ADPRHL1: variants seen among roughly 807,000 people sequenced by gnomAD.
The protein encoded by ADPRHL1 is ADP-ribosylhydrolase like 1.
ADPRHL1 carries 43 observed loss-of-function variants against 44.1 expected under a neutral mutation model. That is an observed-to-expected ratio of 0.98 (90% CI 0.76 to 1.26). ADPRHL1 has a LOEUF of 1.26. ADPRHL1 is among the 50% of genes most tolerant of loss of function. ADPRHL1 has a pLI of 0.00. For missense variants in ADPRHL1, 2,022 were observed against 2,496.9 expected, an observed-to-expected ratio of 0.81 and a Z score of 4.05; for synonymous variants, 878 against 1,017.4, an observed-to-expected ratio of 0.86 and a Z score of 2.61.
intron 2 of ADPRHL1, among the ~76,000 whole-genome samples, chr13:113,435,030 A>C (rs1433602506): frequency 7.4e-6 from 1 of 134,430 alleles, no homozygotes; most frequent in African/African-American, 2.9e-5. Flanking sequence ...CCAGGTGTAG[A>C]GTGAACATAG....
At chr13:113,417,256 G>A (rs1353453508) in intron 7 of ADPRHL1, among the ~76,000 whole-genome samples, 5 of 152,188 alleles carry the variant, frequency 3.3e-5, no homozygotes, top group African/African-American at 1.2e-4. Context: ...CATGGTCCCC[G>A]CCGGCACCAC....
chr13:113,433,520 G>A lies in ADPRHL1; in HGVS notation c.505+222C>T, dbSNP rs192287126. Among the ~76,000 whole-genome samples, 94 of 152,276 alleles carry A rather than the reference G, an allele frequency of 6.2e-4. 1 individual carries two copies. The highest frequency in any genetic ancestry group is 2.1e-3 in the African/African-American group (87 of 41,554). On this transcript the variant is annotated intron_variant, in intron 3 of 7. Transcript: ENST00000612156. The stretch of plus-strand genomic sequence containing the variant: ...AACTCCCCCAACAAATAAAAAAATC[G>A]ATGTGAACCCACAAGATTTCCAGCC...
intron 7 of ADPRHL1, among the ~76,000 whole-genome samples, chr13:113,408,839 C>CAGGGGAGGAGGGGGCTGCAGAGAGG (rs536372099): frequency 2.3e-4 from 9 of 39,662 alleles, no homozygotes; most frequent in African/African-American, 5.0e-4. Context: ...CCACCAGGAG[C>CAGGGGAGGAGGGGGCTGCAGAGAGG]AGGGGAGGAG....
chr13:113,430,323 C>T (rs2043997799), intron 3 of ADPRHL1, among the ~76,000 whole-genome samples: 1 of 152,212 alleles, frequency 6.6e-6, no homozygotes, highest in Non-Finnish European at 1.5e-5. Context: ...GGAGACAGCC[C>T]TGGAGGGGCT....
Position 113,444,467 on chromosome 13 carries a change from T to C in ADPRHL1, c.337A>G (p.Asn113Asp). ...GTGTGCCAGGCGAGAAGGTAGTTAT[T>C]GGGCTTTAGCTGAGCACAGCCTTCA... ...TIEGCAQLKP[N>D]NYLLAWHTPF... is the part of the protein sequence containing the mutation. The change falls in exon 2 of 8, where the codon AAT becomes GAT. Residue 113 changes from asparagine to aspartate, a missense_variant. Around this residue, in one of 8 missense-constraint regions of ADPRHL1, gnomAD observed 437 missense variants for 430.7 expected, o/e 1.01. Coordinates refer to ENST00000612156, the MANE Select transcript of ADPRHL1 (RefSeq NM_001394807.1). The C allele has an allele frequency of 6.2e-7, 1 of 1,614,202 alleles. No homozygotes were observed. The highest frequency in any genetic ancestry group is 1.1e-5 in the South Asian group (1 of 91,084).
At chr13:113,426,819 G>A (rs2043971936) in intron 4 of ADPRHL1, among the ~76,000 whole-genome samples, 1 of 152,224 alleles carries the variant, frequency 6.6e-6, no homozygotes, top group African/African-American at 2.4e-5. Flanking sequence ...GTCAGCCGGG[G>A]TTGGCCAATT....
Position 113,403,405 on chromosome 13 carries a change from G to GGCCCTGAC in ADPRHL1, c.5869_5876dup (p.Asp1961GlyfsTer28). On this transcript the variant is annotated frameshift_variant, in exon 8 of 8. Transcript: ENST00000612156. LOFTEE classifies it high-confidence loss of function. ...ACTTTGGGAGCTCAGACGTGTCGCTGGCCCTGACGCTCATTGGTCTGAAGG... is the reference window on the plus strand; with the variant it reads ...ACTTTGGGAGCTCAGACGTGTCGCTGGCCCTGACGCCCTGACGCTCATTGGTCTGAAGG... 1 of 1,232,094 alleles carries GGCCCTGAC rather than the reference G, an allele frequency of 8.1e-7. No individual in the cohort carries two copies. The highest frequency in any genetic ancestry group is 1.0e-6 in the Non-Finnish European group (1 of 987,966). The allele number at this position is 1,232,094 out of a possible 1,614,324, so 76.3% of individuals were successfully genotyped here.
At chr13:113,446,124 CCCCCCCT>C (rs780651854) in intron 1 of ADPRHL1, among the ~76,000 whole-genome samples, 3 of 134,806 alleles carry the variant, frequency 2.2e-5, no homozygotes, top group Non-Finnish European at 4.8e-5. Context: ...CAGCTGCAGG[CCCCCCCT>C]CCCCCCTCCC....
chr13:113,422,803 G>GA, intron 7 of ADPRHL1, 23 bp downstream of exon 7: 1 of 1,612,662 alleles, frequency 6.2e-7, no homozygotes, highest in Non-Finnish European at 8.5e-7. Context: ...TCTCTAGGGG[G>GA]AAAGTGGCAG....
Position 113,405,970 on chromosome 13 carries a change from G to A in ADPRHL1, c.3312C>T (p.Pro1104=). The A allele has an allele frequency of 5.7e-6, 7 of 1,232,092 alleles. No homozygotes were observed. Among genetic ancestry groups the A allele is most frequent in the Non-Finnish European group, 7.1e-6 (7 of 988,046 alleles). 76.3% of individuals were successfully genotyped at this position (1,232,092 alleles called of 1,614,324 possible). A position where few individuals can be genotyped will look rare whatever the true frequency, so the allele number is the denominator to read the frequency against. ...ENPLSSLNEP[P]KPGMKACGAM... Reference sequence around the variant, plus strand: ...CCCCACAGGCTTTCATACCTGGTTTGGGTGGTTCATTTAATGAGGACAGTG... The same window carrying A: ...CCCCACAGGCTTTCATACCTGGTTTAGGTGGTTCATTTAATGAGGACAGTG... The change falls in exon 8 of 8, where the codon CCC becomes CCT. Residue 1104 remains proline, a synonymous_variant. Coordinates refer to ENST00000612156, the MANE Select transcript of ADPRHL1 (RefSeq NM_001394807.1).
intron 7 of ADPRHL1, among the ~76,000 whole-genome samples, chr13:113,421,132 C>A (rs1399195615): frequency 7.1e-6 from 1 of 141,486 alleles, no homozygotes; most frequent in Admixed American, 7.0e-5. Context: ...GACAGACCCA[C>A]CCCCGGGACA....
chr13:113,425,128 T>C lies in ADPRHL1; in HGVS notation c.698A>G (p.Glu233Gly), dbSNP rs772135525. ...YFEAKWQFYL[E>G]ERKISKDSEN... ...TGAGTCTTTACTGATTTTCCTCTCC[T>C]CCAAATAAAATTGCCATTTAGCTTC... The change falls in exon 5 of 8, where the codon GAG (glutamate) becomes GGG (glycine). Residue 233 changes from glutamate (E) to glycine (G), a missense_variant. Transcript: ENST00000612156. The C allele has an allele frequency of 6.2e-7, 1 of 1,613,450 alleles. No individual in the cohort carries two copies. The highest frequency in any genetic ancestry group is 8.5e-7 in the Non-Finnish European group (1 of 1,179,914).
chr13:113,419,297 T>TTG (rs57403449), intron 7 of ADPRHL1, among the ~76,000 whole-genome samples: 3 of 142,714 alleles, frequency 2.1e-5, no homozygotes, highest in African/African-American at 5.2e-5. Context: ...TTTTTTTTTT[T>TTG]GTAGAGATGG....
chr13:113,443,448 A>G (rs2044113047), intron 2 of ADPRHL1, among the ~76,000 whole-genome samples: 1 of 122,150 alleles, frequency 8.2e-6, no homozygotes, highest in South Asian at 2.1e-4. Context: ...TCTCTACAGA[A>G]AAAAAAAAAA....
At chr13:113,433,450 T>TG (rs1454523708) in intron 3 of ADPRHL1, among the ~76,000 whole-genome samples, 1 of 152,228 alleles carries the variant, frequency 6.6e-6, no homozygotes, top group Non-Finnish European at 1.5e-5. Context: ...ATCCTGCTTT[T>TG]GGGCTGAAAA....
intron 1 of ADPRHL1, among the ~76,000 whole-genome samples, chr13:113,449,934 G>T (rs956831425): frequency 6.6e-6 from 1 of 152,222 alleles, no homozygotes; most frequent in Non-Finnish European, 1.5e-5. Flanking sequence ...CACTGGGCAA[G>T]CGCCTGAACC....
Position 113,405,234 on chromosome 13 carries a change from G to C in ADPRHL1, c.4048C>G (p.Gln1350Glu), listed in dbSNP as rs1309685049. The C allele has an allele frequency of 6.5e-6, 8 of 1,231,792 alleles. No homozygotes were observed. Among genetic ancestry groups the C allele is most frequent in the South Asian group, 4.1e-5 (1 of 24,332 alleles). 76.3% of individuals were successfully genotyped at this position (1,231,792 alleles called of 1,614,324 possible). ...AHLPPTAGDT[Q>E]AKLRASVPEP... Reference sequence around the variant, plus strand: ...GGGACACTGGCCCGGAGCTTTGCCTGTGTGTCACCAGCAGTAGGGGGCAGG... The same window carrying C: ...GGGACACTGGCCCGGAGCTTTGCCTCTGTGTCACCAGCAGTAGGGGGCAGG... The change falls in exon 8 of 8, where the codon CAG becomes GAG. Residue 1350 changes from glutamine to glutamate, a missense_variant. By Grantham distance (29) the Gln-to-Glu change is conservative. This residue lies in a region of ADPRHL1 where 1,221 missense variants were observed against 1,517.8 expected (regional missense o/e 0.80). Coordinates refer to ENST00000612156, the MANE Select transcript of ADPRHL1 (RefSeq NM_001394807.1).
rs745598985 is a variant in ADPRHL1 at position 113,425,117 on chromosome 13, T to C, written c.709A>G (p.Ile237Val). ...GCTTTATTTTCTGAGTCTTTACTGA[T>C]TTTCCTCTCCTCCAAATAAAATTGC... is the stretch of plus-strand genomic sequence containing the variant. The part of the protein sequence containing the change: ...KWQFYLEERK[I>V]SKDSENKAIF... Residue 237 changes from isoleucine to valine, a missense_variant, in exon 5 of 8, where the codon ATC becomes GTC. By Grantham distance (29) the Ile-to-Val change is conservative. This residue lies in a region of ADPRHL1 where 437 missense variants were observed against 430.7 expected (regional missense o/e 1.01). Coordinates refer to ENST00000612156, the MANE Select transcript of ADPRHL1 (RefSeq NM_001394807.1). 1 of 1,613,598 alleles carries C rather than the reference T, an allele frequency of 6.2e-7. No individual in the cohort carries two copies. Among genetic ancestry groups the C allele is most frequent in the Non-Finnish European group, 8.5e-7 (1 of 1,179,942 alleles).
In ADPRHL1 at chr13:113,404,993, A is replaced by G. The variant is rs2043796007; in HGVS notation, c.4289T>C (p.Ile1430Thr). The part of the protein sequence containing the change: ...QDLAGDKGMA[I>T]GVGGACQRSD... ...GCGCTGGCAGGCGCCCCCAACCCCAATGGCCATCCCTTTGTCCCCGGCCAG... is the reference window on the plus strand; with the variant it reads ...GCGCTGGCAGGCGCCCCCAACCCCAGTGGCCATCCCTTTGTCCCCGGCCAG... Residue 1430 changes from isoleucine to threonine, a missense_variant, in exon 8 of 8, where the codon ATT (isoleucine) becomes ACT (threonine). Ile to Thr is a moderately conservative substitution (Grantham distance 89, BLOSUM62 -1). Coordinates refer to ENST00000612156, the MANE Select transcript of ADPRHL1 (RefSeq NM_001394807.1). 2 of 1,234,138 alleles carry G rather than the reference A, an allele frequency of 1.6e-6. No individual in the cohort carries two copies. Among genetic ancestry groups the G allele is most frequent in the South Asian group, 4.0e-5 (1 of 24,716 alleles). 76.4% of individuals were successfully genotyped at this position (1,234,138 alleles called of 1,614,324 possible).
Sources: gnomAD v4.1 joint callset for allele counts (sites outside exome capture counted in the v4.1 genomes callset) on GRCh38, gnomAD v4.1.1 for gene constraint, gnomAD v4.1.1 regional missense constraint, MANE v1.5 for transcripts, NCBI Gene and HGNC (gene_info 2026-07-23, HGNC 2026-07-21) for gene names.